Variants in NOL4L observed in about 807,000 individuals in gnomAD.
The protein encoded by NOL4L is nucleolar protein 4 like.
A neutral mutation model predicts 64.5 loss-of-function variants in NOL4L; 7 were observed. The ratio of observed to expected loss-of-function variants is 0.11; its 90% CI spans 0.06 to 0.20. NOL4L has a LOEUF of 0.20. Among genes scored for constraint, NOL4L ranks in the 10% least tolerant of loss-of-function variants. The pLI, the probability that NOL4L is intolerant of heterozygous loss-of-function variation, is 1.00. For missense variants in NOL4L, 680 were observed against 967.1 expected (o/e 0.70, Z 3.94); for synonymous variants, 413 against 401.0 (o/e 1.03, Z -0.36).
chr20:32,461,557 G>A (rs2014067176), intron 5 of NOL4L, among the ~76,000 whole-genome samples: 1 of 150,712 alleles, frequency 6.6e-6, no homozygotes, highest in African/African-American at 2.4e-5. Flanking sequence ...CGAGTAGCTG[G>A]GACTACAGGC....
At chr20:32,548,750 C>T (rs1480101640) in intron 1 of NOL4L, 1 of 415,072 alleles carries the variant, frequency 2.4e-6, no homozygotes, top group South Asian at 1.7e-5. Flanking sequence ...CTCGCCCATG[C>T]TTGAAATGGC....
chr20:32,483,656 G>C, intron 4 of NOL4L: 1 of 108,246 alleles, frequency 9.2e-6, no homozygotes, highest in African/African-American at 3.6e-5. Context: ...GCACGGGGCG[G>C]GGGCGGGGGG....
intron 4 of NOL4L, among the ~76,000 whole-genome samples, chr20:32,481,842 G>A (rs776501865): frequency 2.6e-5 from 4 of 152,076 alleles, no homozygotes; most frequent in Non-Finnish European, 5.9e-5. Context: ...TCCGGCCTGT[G>A]TCAGGGGTCA....
intron 5 of NOL4L, among the ~76,000 whole-genome samples, chr20:32,466,747 T>C (rs533849229): frequency 8.5e-5 from 13 of 152,104 alleles, no homozygotes; most frequent in Non-Finnish European, 1.6e-4. Flanking sequence ...GACACAGCCA[T>C]AATGAGCAGG....
At chr20:32,570,550 AG>A (rs1193453372) in intron 1 of NOL4L, among the ~76,000 whole-genome samples, 2 of 152,160 alleles carry the variant, frequency 1.3e-5, no homozygotes, top group African/African-American at 4.8e-5. Context: ...TACCCAGCAC[AG>A]GCGCAGGGAT....
At chr20:32,493,555 A>G (rs2016550767) in intron 4 of NOL4L, among the ~76,000 whole-genome samples, 1 of 152,246 alleles carries the variant, frequency 6.6e-6, no homozygotes, top group Admixed American at 6.5e-5. Flanking sequence ...TGAGGAAACA[A>G]CAGCAGGGAC....
chr20:32,508,651 T>A (rs1289288280), intron 4 of NOL4L, among the ~76,000 whole-genome samples: 1 of 147,070 alleles, frequency 6.8e-6, no homozygotes. Context: ...CTAATGAAGC[T>A]GAGGAAGTCA....
At chr20:32,483,872 G>T (rs966878531) in intron 4 of NOL4L, among the ~76,000 whole-genome samples, 2 of 139,842 alleles carry the variant, frequency 1.4e-5, no homozygotes, top group African/African-American at 5.2e-5. Context: ...CCAGGTAGGG[G>T]GGGATAAGGG....
intron 3 of NOL4L, among the ~76,000 whole-genome samples, chr20:32,518,851 T>C (rs1293154724): frequency 1.3e-5 from 2 of 152,072 alleles, no homozygotes; most frequent in African/African-American, 2.4e-5. Context: ...GGCCCAGGGG[T>C]TGCAGCTGCT....
chr20:32,487,815 G>A (rs1242858048), intron 4 of NOL4L, among the ~76,000 whole-genome samples: 1 of 152,114 alleles, frequency 6.6e-6, no homozygotes, highest in Non-Finnish European at 1.5e-5. Context: ...TCATCAGATG[G>A]AACTAGTTCA....
intron 5 of NOL4L, among the ~76,000 whole-genome samples, chr20:32,462,606 T>TA (rs35238325): frequency 2.0e-5 from 3 of 150,606 alleles, no homozygotes; most frequent in South Asian, 2.1e-4. Context: ...CCACAACCCT[T>TA]AAAAAAAAAA....
intron 3 of NOL4L, among the ~76,000 whole-genome samples, chr20:32,515,345 C>A (rs912653788): frequency 2.0e-5 from 3 of 152,062 alleles, no homozygotes; most frequent in African/African-American, 7.2e-5. Context: ...TTTTGCAGTT[C>A]CAGAATGAGA....
intron 4 of NOL4L, chr20:32,475,398 C>T (rs918481277): frequency 1.5e-5 from 14 of 958,660 alleles, no homozygotes; most frequent in African/African-American, 1.1e-4. Context: ...CGGACCAGAC[C>T]GCAAAGGGGG....
Position 32,511,416 on chromosome 20 carries a change from A to G in NOL4L, c.630T>C (p.Asp210=). ...AGGTGGAGGTGAGGGGCATGTTGTA[A>G]TCAATAATCCCAGAGACCAGTGGAG... ...PPSPLVSGII[D]YNMPLTSTYL... The change falls in exon 4 of 11, where the codon GAT becomes GAC. Residue 210 remains aspartate (D), a synonymous_variant. Coordinates refer to ENST00000621426, the MANE Select transcript of NOL4L (RefSeq NM_001256798.2). 3.2e-6 allele frequency: 5 copies of G among 1,550,502 alleles called. No individual in the cohort carries two copies. Among genetic ancestry groups the G allele is most frequent in the Non-Finnish European group, 4.4e-6 (5 of 1,146,920 alleles).
At chr20:32,532,443 G>A (rs764040700) in intron 1 of NOL4L, 6 of 884,176 alleles carry the variant, frequency 6.8e-6, no homozygotes, top group South Asian at 1.0e-4. Flanking sequence ...AAAGGGATCC[G>A]ACAGTAGTCA....
intron 5 of NOL4L, among the ~76,000 whole-genome samples, chr20:32,459,050 G>A (rs1421564038): frequency 3.9e-5 from 6 of 152,208 alleles, no homozygotes; most frequent in South Asian, 2.1e-4. Flanking sequence ...CACTAGTGCC[G>A]GGGCAGAACC....
intron 1 of NOL4L, among the ~76,000 whole-genome samples, chr20:32,570,343 T>C (rs536347193): frequency 6.6e-6 from 1 of 152,356 alleles, no homozygotes; most frequent in African/African-American, 2.4e-5. Flanking sequence ...AGGCGCTGCG[T>C]TGGCTGTCCA....
At chr20:32,476,739 G>A (rs1390967619) in intron 4 of NOL4L, among the ~76,000 whole-genome samples, 3 of 152,326 alleles carry the variant, frequency 2.0e-5, no homozygotes, top group African/African-American at 4.8e-5. Flanking sequence ...CTCGATCCAC[G>A]AGGGAGATGG....
At chr20:32,528,414 C>T (rs112245915) in intron 1 of NOL4L, among the ~76,000 whole-genome samples, 3,398 of 152,344 alleles carry the variant, frequency 0.022, 65 homozygotes, top group Middle Eastern at 0.041. Context: ...AAGCTTTTCG[C>T]GGCTGCCTGC....
Sources: gnomAD v4.1 joint callset for allele counts (sites outside exome capture counted in the v4.1 genomes callset) on GRCh38, gnomAD v4.1.1 for gene constraint, MANE v1.5 for transcripts, NCBI Gene and HGNC (gene_info 2026-07-23, HGNC 2026-07-21) for gene names.